NAV3: variants seen among roughly 807,000 people sequenced by gnomAD.
The protein encoded by NAV3 is pore membrane and/or filament interacting like protein 1.
A neutral mutation model predicts 244.7 loss-of-function variants in NAV3; 87 were observed. That is an observed-to-expected ratio of 0.36 (90% CI 0.30 to 0.42). The LOEUF is 0.42. Ranked by LOEUF, NAV3 falls within the 20% of genes least tolerant of loss-of-function variation. The pLI, the probability that NAV3 is intolerant of heterozygous loss-of-function variation, is 1.00. For missense variants in NAV3, 2,663 were observed against 2,893.3 expected, an observed-to-expected ratio of 0.92 and a Z score of 1.83; for synonymous variants, 1,126 against 1,042.2, an observed-to-expected ratio of 1.08 and a Z score of -1.55.
At chr12:77,635,562 A>G (rs1438499580) in intron 2 of NAV3, among the ~76,000 whole-genome samples, 4 of 152,178 alleles carry the variant, frequency 2.6e-5, no homozygotes, top group Admixed American at 2.6e-4. Flanking sequence ...ATGTTTTCAG[A>G]TGTCTTAAGT....
At chr12:77,666,179 G>GTTTTTTTTT (rs35767149) in intron 2 of NAV3, among the ~76,000 whole-genome samples, 2 of 119,166 alleles carry the variant, frequency 1.7e-5, no homozygotes, top group African/African-American at 6.4e-5. Context: ...CATGTTTACA[G>GTTTTTTTTT]TTTTTTTTTT....
intron 3 of NAV3, among the ~76,000 whole-genome samples, chr12:77,949,588 T>C (rs1319009053): frequency 2.6e-5 from 4 of 151,964 alleles, no homozygotes; most frequent in African/African-American, 9.7e-5. Context: ...GGGAGAAAAG[T>C]ACAGATTTCC....
At chr12:77,827,136 G>C (rs1006770717), upstream of NAV3, among the ~76,000 whole-genome samples, 4 of 151,064 alleles carry the variant, frequency 2.6e-5, no homozygotes, top group East Asian at 7.9e-4. Context: ...GGGAGGCTGA[G>C]GCATGAGAAT....
At chr12:78,087,433 C>G (rs1033683258) in intron 12 of NAV3, among the ~76,000 whole-genome samples, 1 of 151,896 alleles carries the variant, frequency 6.6e-6, no homozygotes, top group African/African-American at 2.4e-5. Context: ...TCAGAAGGAA[C>G]CCCAAAGCAT....
At chr12:78,081,658 A>C (rs765985789) in intron 12 of NAV3, among the ~76,000 whole-genome samples, 2 of 152,096 alleles carry the variant, frequency 1.3e-5, no homozygotes, top group Non-Finnish European at 2.9e-5. Flanking sequence ...AGAGAGGCTC[A>C]TCTGAGGTGT....
chr12:78,013,194 T>G (rs531686953), intron 8 of NAV3, among the ~76,000 whole-genome samples: 1 of 152,286 alleles, frequency 6.6e-6, no homozygotes, highest in East Asian at 1.9e-4. Context: ...ATATCTCTTA[T>G]GCATGAGACA....
chr12:78,034,256 AAT>A (rs1879477622), intron 9 of NAV3, among the ~76,000 whole-genome samples: 1 of 152,182 alleles, frequency 6.6e-6, no homozygotes, highest in South Asian at 2.1e-4. Context: ...GATAACGAAA[AAT>A]GTTTCCAGAT....
intron 2 of NAV3, among the ~76,000 whole-genome samples, chr12:77,704,627 A>C (rs1875709084): frequency 6.6e-6 from 1 of 152,116 alleles, no homozygotes; most frequent in South Asian, 2.1e-4. Context: ...TTAATTGCTA[A>C]GGGAAATAAT....
chr12:78,176,395 A>G (rs1189607058), intron 25 of NAV3, 44 bp from the exon 26 acceptor site: 9 of 1,602,792 alleles, frequency 5.6e-6, no homozygotes, highest in Non-Finnish European at 7.7e-6. Context: ...ATCAGCCTTC[A>G]TTCCCTTGAT....
rs577765267 is a variant in NAV3, at chr12:78,066,909, T to C, written c.2636+7794T>C. ...AGGCCTAAGTTCAAATCTAAATACA[T>C]AGTTAACACTAAATATCTAAGTCTG... is the stretch of plus-strand genomic sequence containing the variant. On this transcript the variant is annotated intron_variant, in intron 12 of 39. Transcript: ENST00000397909. Among the ~76,000 whole-genome samples, 27 of 152,258 alleles carry C rather than the reference T, an allele frequency of 1.8e-4. No homozygotes were observed. In the South Asian group the frequency reaches 5.2e-3, roughly 29 times the overall value.
At chr12:78,209,919 T>C (rs1310679035) in intron 39 of NAV3, among the ~76,000 whole-genome samples, 2 of 152,214 alleles carry the variant, frequency 1.3e-5, no homozygotes, top group Non-Finnish European at 2.9e-5. Context: ...GGTGTGCTTG[T>C]GTGCAGCAGC....
intron 2 of NAV3, among the ~76,000 whole-genome samples, chr12:77,741,148 C>CAAAAAAAAAAAAAAAAAAAAAAGA: frequency 8.7e-5 from 6 of 68,670 alleles, no homozygotes; most frequent in Admixed American, 3.6e-4. Context: ...AAAAAAAAGA[C>CAAAAAAAAAAAAAAAAAAAAAAGA]AAAAAAAAAA....
At position 78,199,374 on chromosome 12, in the gene NAV3, CT is replaced by C; in HGVS notation, c.6563del (p.Leu2188Ter). 6.2e-7 allele frequency: 1 copy of C among 1,610,170 alleles called. No homozygotes were observed. The highest frequency in any genetic ancestry group is 8.5e-7 in the Non-Finnish European group (1 of 1,178,234). ...CANHTEPVKGFLGRYLRRKLI... is the reference protein window; with the variant it reads ...CANHTEPVKGXLGRYLRRKLI... ...CAAATCATACAGAACCAGTGAAAGG[CT>C]TTTTAGGCAGATATCTTCGAAGAAA... On this transcript the variant is annotated frameshift_variant, in exon 37 of 40. Transcript: ENST00000397909. LOFTEE classifies it high-confidence loss of function.
chr12:78,151,161 G>T (rs531726039), intron 22 of NAV3, among the ~76,000 whole-genome samples: 2 of 152,104 alleles, frequency 1.3e-5, no homozygotes, highest in South Asian at 2.1e-4. Context: ...GCTAGTCTTG[G>T]AGACAAACGC....
chr12:77,905,361 G>C (rs1429375633), intron 1 of NAV3, among the ~76,000 whole-genome samples: 2 of 151,908 alleles, frequency 1.3e-5, no homozygotes, highest in African/African-American at 2.4e-5. Flanking sequence ...ATTCTCTTTA[G>C]ATTTTAGATC....
chr12:78,103,109 A>G (rs1299550455), intron 12 of NAV3, among the ~76,000 whole-genome samples: 1 of 152,108 alleles, frequency 6.6e-6, no homozygotes, highest in Non-Finnish European at 1.5e-5. Flanking sequence ...TCAGGCTGCA[A>G]ATTTTCTGAA....
intron 22 of NAV3, among the ~76,000 whole-genome samples, chr12:78,150,124 T>C (rs1957017398): frequency 6.6e-6 from 1 of 152,050 alleles, no homozygotes; most frequent in South Asian, 2.1e-4. Context: ...GAGGCAACCG[T>C]AAATTTTATA....
chr12:77,861,180 A>G (rs1483206793), intron 1 of NAV3, among the ~76,000 whole-genome samples: 1 of 151,804 alleles, frequency 6.6e-6, no homozygotes, highest in African/African-American at 2.4e-5. Context: ...TTACATGGTT[A>G]TAATTGATTA....
intron 2 of NAV3, among the ~76,000 whole-genome samples, chr12:77,572,726 T>C (rs1415263534): frequency 2.6e-5 from 4 of 152,244 alleles, no homozygotes; most frequent in Non-Finnish European, 5.9e-5. Context: ...TTCTGAATTA[T>C]ACAGCTGGCC....
Sources: allele counts gnomAD v4.1 joint callset (sites outside exome capture counted in the v4.1 genomes callset), GRCh38; gene constraint gnomAD v4.1.1; transcripts MANE v1.5; gene names NCBI Gene and HGNC (gene_info 2026-07-23, HGNC 2026-07-21).